STIM2: variants seen among roughly 807,000 people sequenced by gnomAD.
STIM2 encodes stromal interaction molecule 2.
In STIM2, 31 loss-of-function variants were observed where a neutral mutation model predicts 85.8. That is an observed-to-expected ratio of 0.36 (90% CI 0.27 to 0.49). The LOEUF is 0.49. Ranked by LOEUF, STIM2 falls within the 20% of genes least tolerant of loss-of-function variation. The pLI is 0.98. For missense variants in STIM2, 841 were observed against 927.6 expected, an observed-to-expected ratio of 0.91 and a Z score of 1.21; for synonymous variants, 356 against 331.1, an observed-to-expected ratio of 1.08 and a Z score of -0.82.
chr4:26,928,617 T>A (rs1725079285), intron 2 of STIM2, among the ~76,000 whole-genome samples: 1 of 152,200 alleles, frequency 6.6e-6, no homozygotes. Flanking sequence ...CTAGCAATAT[T>A]CCTGCCTCGG....
At chr4:26,916,018 C>A (rs1360918488) in intron 1 of STIM2, among the ~76,000 whole-genome samples, 1 of 152,148 alleles carries the variant, frequency 6.6e-6, no homozygotes, top group Non-Finnish European at 1.5e-5. Flanking sequence ...CAAAGGAGAA[C>A]AATATTGGTA....
At chr4:26,909,128 A>G (rs540539613) in intron 1 of STIM2, among the ~76,000 whole-genome samples, 1 of 152,336 alleles carries the variant, frequency 6.6e-6, no homozygotes, top group Non-Finnish European at 1.5e-5. Context: ...ACAGTAATAT[A>G]ACAAAAAGCT....
intron 2 of STIM2, among the ~76,000 whole-genome samples, chr4:26,956,821 A>T (rs1726261960): frequency 6.6e-6 from 1 of 152,136 alleles, no homozygotes; most frequent in African/African-American, 2.4e-5. Flanking sequence ...GTTGAATATA[A>T]CCAAATGGCT....
chr4:26,931,115 T>C (rs894654581), intron 2 of STIM2, among the ~76,000 whole-genome samples: 1 of 152,202 alleles, frequency 6.6e-6, no homozygotes, highest in African/African-American at 2.4e-5. Flanking sequence ...TAAGTCTCTC[T>C]GTAGGCAGTT....
At chr4:26,964,635 G>C (rs946715957) in intron 3 of STIM2, among the ~76,000 whole-genome samples, 1 of 151,916 alleles carries the variant, frequency 6.6e-6, no homozygotes, top group Non-Finnish European at 1.5e-5. Context: ...TTGGAGGGGG[G>C]GTTTATTTAA....
intron 1 of STIM2, among the ~76,000 whole-genome samples, chr4:26,876,513 A>T (rs1408075897): frequency 6.6e-6 from 1 of 152,246 alleles, no homozygotes; most frequent in Non-Finnish European, 1.5e-5. Context: ...TAACATAAAA[A>T]GTCTCACAAT....
chr4:26,905,700 T>G lies in STIM2; in HGVS notation c.152-13804T>G, dbSNP rs548030629. Among the ~76,000 whole-genome samples, 23 of 152,320 alleles carry G rather than the reference T, an allele frequency of 1.5e-4. No individual in the cohort carries two copies. The South Asian group carries it at 4.6e-3, about 30-fold the overall frequency. The stretch of plus-strand genomic sequence containing the variant: ...AATATAAATCGGCTAAATCCATGGC[T>G]ATGTATTAAATTTCTATGCTGATTT... On this transcript the variant is annotated intron_variant, in intron 1 of 11. Transcript: ENST00000467087.
chr4:26,929,867 C>A (rs1351476639), intron 2 of STIM2, among the ~76,000 whole-genome samples: 1 of 151,590 alleles, frequency 6.6e-6, no homozygotes, highest in African/African-American at 2.4e-5. Context: ...GCAGGGGGAT[C>A]ATTATCAGTT....
chr4:26,930,869 A>G (rs1241747115), intron 2 of STIM2, among the ~76,000 whole-genome samples: 3 of 152,218 alleles, frequency 2.0e-5, no homozygotes, highest in African/African-American at 7.2e-5. Flanking sequence ...CCCAAAACTT[A>G]GTGGCTTAAA....
intron 1 of STIM2, 105 bp downstream of exon 1, chr4:26,861,474 C>G (rs1722188925): frequency 1.6e-6 from 2 of 1,231,132 alleles, no homozygotes; most frequent in Non-Finnish European, 2.0e-6. Context: ...TCCGCGGCTC[C>G]GGCCAGGGCG....
At chr4:26,940,006 C>T (rs1199136928) in intron 2 of STIM2, among the ~76,000 whole-genome samples, 1 of 152,136 alleles carries the variant, frequency 6.6e-6, no homozygotes, top group Non-Finnish European at 1.5e-5. Flanking sequence ...GAGCATCAAA[C>T]AAAGCTCTGC....
intron 2 of STIM2, among the ~76,000 whole-genome samples, chr4:26,937,837 A>G (rs1315744329): frequency 1.3e-5 from 2 of 152,280 alleles, no homozygotes; most frequent in African/African-American, 2.4e-5. Context: ...TTTTGTGCCA[A>G]GATTTCTGCT....
intron 1 of STIM2, among the ~76,000 whole-genome samples, chr4:26,877,842 C>T (rs756082024): frequency 5.3e-5 from 8 of 152,080 alleles, no homozygotes; most frequent in Non-Finnish European, 1.0e-4. Context: ...AGAAATGGGA[C>T]CATTAAGAGG....
intron 3 of STIM2, among the ~76,000 whole-genome samples, chr4:26,969,817 G>A (rs1261667358): frequency 6.6e-6 from 1 of 152,156 alleles, no homozygotes; most frequent in Non-Finnish European, 1.5e-5. Context: ...AATCACTCTA[G>A]ATTCTAGTGG....
At chr4:26,905,123 C>G (rs1577428837) in intron 1 of STIM2, among the ~76,000 whole-genome samples, 1 of 151,956 alleles carries the variant, frequency 6.6e-6, no homozygotes, top group Non-Finnish European at 1.5e-5. Flanking sequence ...AGTTGAGGAT[C>G]AAGAAGATAC....
rs771896876 is a variant in STIM2 at position 27,008,782 on chromosome 4, G to A, written c.1269G>A (p.Leu423=). Residue 423 remains leucine, a synonymous_variant, in exon 10 of 12, where the codon TTG becomes TTA. Transcript: ENST00000467087. Reference sequence around the variant, plus strand: ...TTTCCAGGAAAGCTCTCTCTGAGTTGACAACTTGTTTACGAGAACGACTTT... The same window carrying A: ...TTTCCAGGAAAGCTCTCTCTGAGTTAACAACTTGTTTACGAGAACGACTTT... 3 of 1,613,922 alleles carry A rather than the reference G, an allele frequency of 1.9e-6. No homozygotes were observed. Among genetic ancestry groups the A allele is most frequent in the Admixed American group, 3.3e-5 (2 of 59,994 alleles).
intron 1 of STIM2, among the ~76,000 whole-genome samples, chr4:26,902,138 G>A (rs1225502504): frequency 6.6e-6 from 1 of 152,130 alleles, no homozygotes; most frequent in Admixed American, 6.6e-5. Context: ...TATGGTAGCT[G>A]TAAAGGGGAA....
At chr4:26,885,072 A>G (rs1317874479) in intron 1 of STIM2, among the ~76,000 whole-genome samples, 2 of 152,166 alleles carry the variant, frequency 1.3e-5, no homozygotes, top group African/African-American at 2.4e-5. Context: ...GGTACAGTTA[A>G]TGGGTACAAT....
At position 26,978,504 on chromosome 4, in the gene STIM2, C is replaced by T. The variant is rs867418211; in HGVS notation, c.398-16875C>T. Among the ~76,000 whole-genome samples, 4 of 152,160 alleles carry T rather than the reference C, an allele frequency of 2.6e-5. No homozygotes were observed. The South Asian group carries it at 6.2e-4, about 24-fold the overall frequency. Reference sequence around the variant, plus strand: ...TTTCTGGATTTTGGTGTTATTTTCTCCTCCTGTGTTTCCTAGAGGCTAGTT... The same window carrying T: ...TTTCTGGATTTTGGTGTTATTTTCTTCTCCTGTGTTTCCTAGAGGCTAGTT... On this transcript the variant is annotated intron_variant, in intron 3 of 11. Coordinates refer to ENST00000467087, the MANE Select transcript of STIM2 (RefSeq NM_020860.4).
Sources: allele counts gnomAD v4.1 joint callset (sites outside exome capture counted in the v4.1 genomes callset), GRCh38; gene constraint gnomAD v4.1.1; transcripts MANE v1.5; gene names NCBI Gene and HGNC (gene_info 2026-07-23, HGNC 2026-07-21).